Variants in ANO10 observed in about 807,000 individuals in gnomAD.
ANO10 encodes the protein anoctamin-10.
A neutral mutation model predicts 74.7 loss-of-function variants in ANO10; 77 were observed. The observed-to-expected ratio is 1.03, with a 90% CI of 0.86 to 1.25. The LOEUF is 1.25. Among genes scored for constraint, ANO10 ranks in the 50% most tolerant of loss-of-function variants. The probability of loss-of-function intolerance (pLI) is 0.00; values close to 1 mark genes in which losing one functional copy is unlikely to be tolerated. For synonymous variants in ANO10, 279 were observed against 284.9 expected (o/e 0.98, Z 0.21); for missense variants, 721 against 778.1 (o/e 0.93, Z 0.87).
chr3:43,452,167 T>G (rs1044027972), intron 11 of ANO10, among the ~76,000 whole-genome samples: 1 of 152,186 alleles, frequency 6.6e-6, no homozygotes, highest in African/African-American at 2.4e-5. Flanking sequence ...TTCTTGTTTT[T>G]AAAAAAACCA....
chr3:43,690,357 C>T (rs2084340866), intron 1 of ANO10: 1 of 152,378 alleles, frequency 6.6e-6, no homozygotes. Flanking sequence ...GCCCGGCCAA[C>T]ACCGACTCTT....
chr3:43,651,836 T>C (rs1446141664), intron 1 of ANO10, among the ~76,000 whole-genome samples: 7 of 152,180 alleles, frequency 4.6e-5, no homozygotes, highest in African/African-American at 1.7e-4. Flanking sequence ...TTAAATTTAA[T>C]ATCCGATTCA....
At chr3:43,465,872 T>G (rs933931914) in intron 11 of ANO10, among the ~76,000 whole-genome samples, 1 of 152,304 alleles carries the variant, frequency 6.6e-6, no homozygotes, top group African/African-American at 2.4e-5. Flanking sequence ...TATACAAAGT[T>G]CATGAATTAG....
chr3:43,580,381 A>G lies in ANO10; in HGVS notation c.564T>C (p.Thr188=), dbSNP rs2081209864. ...ALKKLEDTWY[T]RFALKYQPID... ...TGGGCTGATACTTCAAAGCAAACCG[A>G]GTGTACCAGGTGTCCTCAAGCTTCT... is the stretch of plus-strand genomic sequence containing the variant. Residue 188 remains threonine (T), a synonymous_variant, in exon 5 of 13, where the codon ACT becomes ACC. Transcript: ENST00000292246. The G allele has an allele frequency of 1.9e-6, 3 of 1,614,044 alleles. No individual in the cohort carries two copies. Among genetic ancestry groups the G allele is most frequent in the Non-Finnish European group, 2.5e-6 (3 of 1,179,994 alleles).
intron 4 of ANO10, among the ~76,000 whole-genome samples, chr3:43,597,778 T>A (rs1345650977): frequency 2.0e-5 from 3 of 151,570 alleles, no homozygotes; most frequent in African/African-American, 4.8e-5. Flanking sequence ...AAATAAAAAA[T>A]TTTTAAAAAG....
chr3:43,532,690 T>G (rs1019125775), intron 11 of ANO10, among the ~76,000 whole-genome samples: 2 of 152,200 alleles, frequency 1.3e-5, no homozygotes, highest in African/African-American at 4.8e-5. Flanking sequence ...CAAAAATCTC[T>G]CAAGCTATAT....
chr3:43,682,496 G>T (rs2084214953), intron 1 of ANO10, among the ~76,000 whole-genome samples: 1 of 152,128 alleles, frequency 6.6e-6, no homozygotes, highest in Admixed American at 6.5e-5. Context: ...AATTCTACCA[G>T]AGGTACAAGG....
intron 1 of ANO10, among the ~76,000 whole-genome samples, chr3:43,682,949 C>T (rs1021439745): frequency 4.6e-5 from 7 of 152,168 alleles, no homozygotes; most frequent in African/African-American, 1.7e-4. Context: ...TAAGAGCTAT[C>T]TATGACAAAT....
upstream of ANO10, among the ~76,000 whole-genome samples, chr3:43,626,954 C>T (rs2083498359): frequency 7.8e-6 from 1 of 127,514 alleles, no homozygotes; most frequent in Admixed American, 9.6e-5. Flanking sequence ...TTCTCATTCC[C>T]TTCATAACCA....
At chr3:43,404,083 T>C (rs2092531765) in intron 12 of ANO10, among the ~76,000 whole-genome samples, 1 of 152,186 alleles carries the variant, frequency 6.6e-6, no homozygotes, top group Non-Finnish European at 1.5e-5. Flanking sequence ...CCTATTCAGC[T>C]GACTTTAAGT....
chr3:43,477,706 C>T (rs2076119107), intron 11 of ANO10, among the ~76,000 whole-genome samples: 1 of 152,200 alleles, frequency 6.6e-6, no homozygotes, highest in Non-Finnish European at 1.5e-5. Flanking sequence ...CCTATACTGT[C>T]AGTCGACCTT....
At chr3:43,552,905 T>A (rs1182406083) in intron 10 of ANO10, among the ~76,000 whole-genome samples, 1 of 152,002 alleles carries the variant, frequency 6.6e-6, no homozygotes, top group African/African-American at 2.4e-5. Flanking sequence ...GCAATTCTCC[T>A]GCCTCAGCCT....
chr3:43,490,119 C>T (rs2076661156), intron 11 of ANO10, among the ~76,000 whole-genome samples: 1 of 152,224 alleles, frequency 6.6e-6, no homozygotes, highest in East Asian at 1.9e-4. Flanking sequence ...AGCCTGAAGT[C>T]AGAGAAGGCT....
chr3:43,548,267 T>G (rs1199741329), intron 11 of ANO10, among the ~76,000 whole-genome samples: 1 of 152,206 alleles, frequency 6.6e-6, no homozygotes, highest in African/African-American at 2.4e-5. Flanking sequence ...AAGTGCCATA[T>G]TCTAAATCAA....
intron 11 of ANO10, among the ~76,000 whole-genome samples, chr3:43,464,770 C>G (rs1186879704): frequency 2.6e-5 from 4 of 152,068 alleles, no homozygotes; most frequent in Admixed American, 6.6e-5. Context: ...TCCATCATAT[C>G]AATATATACA....
At chr3:43,379,242 C>T (rs1456080834) in intron 12 of ANO10, among the ~76,000 whole-genome samples, 1 of 152,224 alleles carries the variant, frequency 6.6e-6, no homozygotes, top group East Asian at 1.9e-4. Context: ...CTTTCTTTTT[C>T]CTCCAGGTTA....
chr3:43,598,368 GA>G (rs954960142), intron 4 of ANO10, among the ~76,000 whole-genome samples, 163 bp downstream of exon 4: 2 of 152,080 alleles, frequency 1.3e-5, no homozygotes, highest in African/African-American at 2.4e-5. Context: ...CAAACATATT[GA>G]TTTAAAGATG....
chr3:43,417,399 G>A (rs546756176), intron 12 of ANO10, among the ~76,000 whole-genome samples: 1 of 152,268 alleles, frequency 6.6e-6, no homozygotes, highest in African/African-American at 2.4e-5. Context: ...CGTCACACCT[G>A]ACTGAACCAA....
chr3:43,656,286 T>C (rs1166390189), intron 1 of ANO10, among the ~76,000 whole-genome samples: 5 of 151,890 alleles, frequency 3.3e-5, no homozygotes, highest in Admixed American at 2.6e-4. Flanking sequence ...AGAGTGCTGA[T>C]TGGTGTACTT....
Sources: gnomAD v4.1 joint callset for allele counts (sites outside exome capture counted in the v4.1 genomes callset) on GRCh38, gnomAD v4.1.1 for gene constraint, MANE v1.5 for transcripts, NCBI Gene and HGNC (gene_info 2026-07-23, HGNC 2026-07-21) for gene names.